ITGB4: variants seen among roughly 807,000 people sequenced by gnomAD.
The protein encoded by ITGB4 is integrin subunit beta 4, also known as integrin beta-4.
A neutral mutation model predicts 207.6 loss-of-function variants in ITGB4; 159 were observed. The observed-to-expected ratio is 0.77, with a 90% confidence interval of 0.67 to 0.87. The LOEUF is 0.87. ITGB4 is among the 40% of genes least tolerant of loss of function. The pLI is 0.00. For missense variants in ITGB4, 2,278 were observed against 2,546.8 expected (o/e 0.89, Z 2.27); for synonymous variants, 1,020 against 1,062.7 (o/e 0.96, Z 0.78).
intron 16 of ITGB4, 121 bp from the exon 17 acceptor site, chr17:75,737,201 C>T (rs1333138413): frequency 1.0e-5 from 13 of 1,287,600 alleles, no homozygotes; most frequent in Non-Finnish European, 1.4e-5. Flanking sequence ...TTCCACTCTT[C>T]CCCAGGAGGC....
chr17:75,750,295 C>T lies in ITGB4; in HGVS notation c.3474+27C>T. On this transcript the variant is annotated intron_variant, in intron 28 of 39. Transcript: ENST00000200181. This position sits in a 1 kb window ranked among gnomAD's most constrained non-coding sequence, Gnocchi z 5.5. ...TAAGGCGGGGGGCTGAGGGTCACGA[C>T]AGGTGGATGGGCGGTCTGGCACCAG... 6.3e-7 allele frequency: 1 copy of T among 1,589,546 alleles called. No homozygotes were observed.
rs375483568 is a variant in ITGB4, at chr17:75,752,265, C to A, written c.3885C>A (p.Arg1295=). 7.4e-6 allele frequency: 12 copies of A among 1,613,548 alleles called. No individual in the cohort carries two copies. In the African/African-American group the frequency reaches 1.6e-4, roughly 21 times the overall value. ...ACCTTCGGGAGTCCCAGCCCTACCG[C>A]TACACGGTGAAGGCGCGCAACGGGG... The part of the protein sequence containing the change: ...IENLRESQPY[R]YTVKARNGAG... The change falls in exon 31 of 40, where the codon CGC becomes CGA. Residue 1295 remains arginine (R), a synonymous_variant. Transcript: ENST00000200181.
In ITGB4 at chr17:75,734,127, G is replaced by GTTTT. The variant is rs58249158; in HGVS notation, c.1657+458_1657+461dup. Among the ~76,000 whole-genome samples the GTTTT allele has an allele frequency of 3.4e-4, 26 of 76,092 alleles. 3 individuals are homozygous for GTTTT. Among genetic ancestry groups the GTTTT allele is most frequent in the African/African-American group, 1.3e-3 (21 of 16,166 alleles). The allele number at this position is 76,092 out of a possible 152,430, so 49.9% of individuals were successfully genotyped here. A position where few individuals can be genotyped will look rare whatever the true frequency, so the allele number is the denominator to read the frequency against. Reference sequence around the variant, plus strand: ...TGGGTTTTTTGTTGTTGTTGCTGCTGTTTTTTTTTTTTTTTTTTTTTTTTT... The same window carrying GTTTT: ...TGGGTTTTTTGTTGTTGTTGCTGCTGTTTTTTTTTTTTTTTTTTTTTTTTTTTTT... On this transcript the variant is annotated intron_variant, in intron 13 of 39. Coordinates refer to ENST00000200181, the MANE Select transcript of ITGB4 (RefSeq NM_000213.5).
intron 1 of ITGB4, among the ~76,000 whole-genome samples, chr17:75,724,297 CCT>C (rs1467064165): frequency 7.2e-5 from 11 of 152,212 alleles, no homozygotes; most frequent in Non-Finnish European, 1.5e-4. Flanking sequence ...GCTGCGGCCC[CCT>C]CTCAGGGAGG....
Position 75,741,931 on chromosome 17 carries a change from C to G in ITGB4, c.2634-410C>G, listed in dbSNP as rs76140730. 4.3e-3 allele frequency among the ~76,000 whole-genome samples: 650 copies of G among 152,270 alleles called. 6 individuals carry two copies. The highest frequency in any genetic ancestry group is 0.015 in the African/African-American group (607 of 41,558). On this transcript the variant is annotated intron_variant, in intron 23 of 39. Coordinates refer to ENST00000200181, the MANE Select transcript of ITGB4 (RefSeq NM_000213.5). ...CTCGTCAAGCCTGTGAGGTAGAGATCACTGCTGTTCCCATTTTGCAGATGA... is the reference window on the plus strand; with the variant it reads ...CTCGTCAAGCCTGTGAGGTAGAGATGACTGCTGTTCCCATTTTGCAGATGA...
At position 75,731,022 on chromosome 17, in the gene ITGB4, C is replaced by T; in HGVS notation, c.1092+58C>T. Reference sequence around the variant, plus strand: ...CTTCTGGGGCAGGGCAGGAAGTGGGCAGGGTGGGCAAGAGGTGTCTTGGAT... The same window carrying T: ...CTTCTGGGGCAGGGCAGGAAGTGGGTAGGGTGGGCAAGAGGTGTCTTGGAT... On this transcript the variant is annotated intron_variant, in intron 9 of 39. Transcript: ENST00000200181. This position sits in a 1 kb window ranked among gnomAD's most constrained non-coding sequence, Gnocchi z 6.8. The T allele has an allele frequency of 2.0e-6, 3 of 1,515,310 alleles. No individual in the cohort carries two copies. Among genetic ancestry groups the T allele is most frequent in the Non-Finnish European group, 2.7e-6 (3 of 1,092,066 alleles). 93.9% of individuals were successfully genotyped at this position (1,515,310 alleles called of 1,614,324 possible).
intron 7 of ITGB4, 27 bp from the exon 8 acceptor site, chr17:75,730,214 G>A: frequency 6.2e-7 from 1 of 1,611,474 alleles, no homozygotes; most frequent in Non-Finnish European, 8.5e-7. Flanking sequence ...CCTGCTCAGT[G>A]GGCACGCCCC....
rs1409105014 is a variant in ITGB4, at chr17:75,731,699, T to A, written c.1216-113T>A. On this transcript the variant is annotated intron_variant, in intron 10 of 39. Transcript: ENST00000200181. This position sits in a 1 kb window ranked among gnomAD's most constrained non-coding sequence, Gnocchi z 6.8. ...CCTGAGGGAGGTGAGCAGGAGCTCATTTCAGGGATCCAGACATCTCCTAGG... is the reference window on the plus strand; with the variant it reads ...CCTGAGGGAGGTGAGCAGGAGCTCAATTCAGGGATCCAGACATCTCCTAGG... 5 of 1,204,970 alleles carry A rather than the reference T, an allele frequency of 4.1e-6. No homozygotes were observed. Among genetic ancestry groups the A allele is most frequent in the Non-Finnish European group, 5.7e-6 (5 of 881,296 alleles). The allele number at this position is 1,204,970 out of a possible 1,614,324, so 74.6% of individuals were successfully genotyped here. A position where few individuals can be genotyped will look rare whatever the true frequency, so the allele number is the denominator to read the frequency against.
chr17:75,742,714 C>T lies in ITGB4; in HGVS notation c.2915C>T (p.Ala972Val). The T allele has an allele frequency of 6.2e-7, 1 of 1,613,324 alleles. No homozygotes were observed. Among genetic ancestry groups the T allele is most frequent in the Non-Finnish European group, 8.5e-7 (1 of 1,180,022 alleles). The part of the protein sequence containing the change: ...VEAIDVPAGT[A>V]TLGRRLVNIT... ...GCCATCGACGTGCCCGCAGGCACTG[C>T]CACCCTCGGCCGCCGCCTGGTAAAC... Residue 972 changes from alanine to valine, a missense_variant, in exon 25 of 40, where the codon GCC (alanine) becomes GTC (valine). Physicochemically the swap from Ala to Val is moderately conservative, Grantham distance 64 (BLOSUM62 0). Transcript: ENST00000200181. This position sits in a 1 kb window ranked among gnomAD's most constrained non-coding sequence, Gnocchi z 5.9.
intron 7 of ITGB4, 118 bp from the exon 8 acceptor site, chr17:75,730,123 A>T: frequency 1.5e-6 from 2 of 1,340,422 alleles, no homozygotes; most frequent in Non-Finnish European, 2.1e-6. Flanking sequence ...CTTGCTGTGA[A>T]TCCAGTGGCT....
rs1394488533 is a variant in ITGB4 at position 75,754,783 on chromosome 17, A to G, written c.4526A>G (p.Asp1509Gly). The part of the protein sequence containing the change: ...EHSHSTTLPR[D>G]YSTLTSVSSH... ...TCACACTCGACCACACTGCCCAGGG[A>G]CTACTCCACCCTCACCTCCGTCTCC... is the stretch of plus-strand genomic sequence containing the variant. Residue 1509 changes from aspartate (D) to glycine (G), a missense_variant, in exon 34 of 40, where the codon GAC becomes GGC. Asp to Gly is a moderately conservative substitution (Grantham distance 94). Coordinates refer to ENST00000200181, the MANE Select transcript of ITGB4 (RefSeq NM_000213.5). 1 of 1,612,488 alleles carries G rather than the reference A, an allele frequency of 6.2e-7. No individual in the cohort carries two copies. Among genetic ancestry groups the G allele is most frequent in the South Asian group, 1.1e-5 (1 of 90,942 alleles).
At position 75,727,527 on chromosome 17, in the gene ITGB4, G is replaced by A. The variant is rs980991265; in HGVS notation, c.264+22G>A. The A allele has an allele frequency of 2.0e-5, 33 of 1,611,036 alleles. No individual in the cohort carries two copies. Among genetic ancestry groups the A allele is most frequent in the Non-Finnish European group, 2.5e-5 (30 of 1,178,438 alleles). ...AGAGGTGCCTGGTGTGGGGACTGGG[G>A]TGGGGGCTCCCCATGCTCAGCCTGG... is the stretch of plus-strand genomic sequence containing the variant. On this transcript the variant is annotated intron_variant, in intron 4 of 39. Transcript: ENST00000200181. This position sits in a 1 kb window ranked among gnomAD's most constrained non-coding sequence, Gnocchi z 6.0.
In ITGB4 at chr17:75,741,193, T is replaced by A; in HGVS notation, c.2633+188T>A. 4.2e-6 allele frequency: 3 copies of A among 715,810 alleles called. No homozygotes were observed. The South Asian group carries it at 5.0e-5, about 12-fold the overall frequency. The allele number at this position is 715,810 out of a possible 1,614,324, so 44.3% of individuals were successfully genotyped here. ...TCAACAAATGCTAATGTGAAGTGCT[T>A]GCTATGAAGTGGCCCCTGGACTAGA... On this transcript the variant is annotated intron_variant, in intron 23 of 39. Coordinates refer to ENST00000200181, the MANE Select transcript of ITGB4 (RefSeq NM_000213.5).
At position 75,753,798 on chromosome 17, in the gene ITGB4, A is replaced by G; in HGVS notation, c.4142A>G (p.Glu1381Gly). ...CGWKFEPLLG[E>G]ELDLRRVTWR... ...TGGAAGTTCGAGCCCCTGCTGGGGGAGGAGCTGGACCTGCGGCGCGTCACG... is the reference window on the plus strand; with the variant it reads ...TGGAAGTTCGAGCCCCTGCTGGGGGGGGAGCTGGACCTGCGGCGCGTCACG... Residue 1381 changes from glutamate to glycine, a missense_variant, in exon 33 of 40, where the codon GAG becomes GGG. Transcript: ENST00000200181. The G allele has an allele frequency of 2.7e-6, 4 of 1,459,564 alleles. No individual in the cohort carries two copies. Among genetic ancestry groups the G allele is most frequent in the Non-Finnish European group, 2.7e-6 (3 of 1,105,946 alleles). 90.4% of individuals were successfully genotyped at this position (1,459,564 alleles called of 1,614,324 possible).
Position 75,740,577 on chromosome 17 carries a change from C to T in ITGB4, c.2550+116C>T. 4 of 992,350 alleles carry T rather than the reference C, an allele frequency of 4.0e-6. No homozygotes were observed. The highest frequency in any genetic ancestry group is 6.3e-6 in the Non-Finnish European group (4 of 638,106). The allele number at this position is 992,350 out of a possible 1,614,324, so 61.5% of individuals were successfully genotyped here. A position where few individuals can be genotyped will look rare whatever the true frequency, so the allele number is the denominator to read the frequency against. ...GATTCATTAACTAGGGGAGAGGGGT[C>T]TCTCTGGACCTGTGCCTGGCAGGGG... On this transcript the variant is annotated intron_variant, in intron 21 of 39. Transcript: ENST00000200181. The surrounding 1 kb of genome is among the most constrained non-coding windows in gnomAD (Gnocchi z 5.9).
Position 75,737,660 on chromosome 17 carries a change from G to C in ITGB4, c.2220+16G>C. ...CTGCTGCAAGGTGAGCACCCAGGGT[G>C]CCTCCCAAGGCCCCACATCCCAGGG... On this transcript the variant is annotated intron_variant, in intron 18 of 39. Transcript: ENST00000200181. 3 of 1,604,844 alleles carry C rather than the reference G, an allele frequency of 1.9e-6. No homozygotes were observed. The highest frequency in any genetic ancestry group is 2.6e-6 in the Non-Finnish European group (3 of 1,174,588).
chr17:75,733,154 C>T (rs2060898474), intron 12 of ITGB4, among the ~76,000 whole-genome samples: 2 of 151,544 alleles, frequency 1.3e-5, no homozygotes, highest in South Asian at 2.1e-4. Context: ...TTTGGGAGGC[C>T]GAGGTGGGCG....
At chr17:75,747,849 T>G (rs1454107332) in intron 26 of ITGB4, among the ~76,000 whole-genome samples, 2 of 152,146 alleles carry the variant, frequency 1.3e-5, no homozygotes, top group Non-Finnish European at 2.9e-5. Flanking sequence ...TCCATGTAGG[T>G]TGCTTGCAGG....
Position 75,749,055 on chromosome 17 carries a change from G to A in ITGB4, c.3316+10G>A, listed in dbSNP as rs746350441. The stretch of plus-strand genomic sequence containing the variant: ...ATCATCAGGGACCCAGGTAGGCAGA[G>A]CCTGGGGGTCGGCTTAAGCAGGAGG... On this transcript the variant is annotated intron_variant, in intron 27 of 39. Transcript: ENST00000200181. The A allele has an allele frequency of 1.9e-6, 3 of 1,605,824 alleles. No individual in the cohort carries two copies. Among genetic ancestry groups the A allele is most frequent in the South Asian group, 2.2e-5 (2 of 90,802 alleles).
Sources: gnomAD v4.1 joint callset for allele counts (sites outside exome capture counted in the v4.1 genomes callset) on GRCh38, gnomAD v4.1.1 for gene constraint, Gnocchi (gnomAD v3.1) non-coding constraint, MANE v1.5 for transcripts, NCBI Gene and HGNC (gene_info 2026-07-23, HGNC 2026-07-21) for gene names.